ARHGEF11: variants seen among roughly 807,000 people sequenced by gnomAD.
The protein encoded by ARHGEF11 is Rho guanine nucleotide exchange factor 11.
A neutral mutation model predicts 193.7 loss-of-function variants in ARHGEF11; 55 were observed. The ratio of observed to expected loss-of-function variants is 0.28; its 90% CI spans 0.23 to 0.36. The LOEUF is 0.36. Ranked by LOEUF, ARHGEF11 falls within the 10% of genes least tolerant of loss-of-function variation. The pLI is 1.00. For missense variants in ARHGEF11, 1,723 were observed against 2,005.6 expected (o/e 0.86, Z 2.69); for synonymous variants, 693 against 768.0 (o/e 0.90, Z 1.62).
intron 1 of ARHGEF11, among the ~76,000 whole-genome samples, chr1:156,990,848 T>A (rs941987739): frequency 6.6e-6 from 1 of 152,210 alleles, no homozygotes; most frequent in Non-Finnish European, 1.5e-5. Flanking sequence ...GTACTTCCCC[T>A]ATGCCAGACC....
At chr1:156,942,077 T>A in intron 33 of ARHGEF11, 88 bp from the exon 34 acceptor site, 1 of 1,596,762 alleles carries the variant, frequency 6.3e-7, no homozygotes, top group Non-Finnish European at 8.5e-7. Context: ...GAACAGGGCT[T>A]CCAGGCCCTA....
chr1:156,936,215 T>C, intron 40 of ARHGEF11, 157 bp from the exon 41 acceptor site: 3 of 826,610 alleles, frequency 3.6e-6, no homozygotes, highest in Non-Finnish European at 6.5e-6. Context: ...AAGGGCTGTC[T>C]ACTGAACTCC....
At chr1:156,978,431 G>A in intron 5 of ARHGEF11, 49 bp from the exon 6 acceptor site, 1 of 1,531,980 alleles carries the variant, frequency 6.5e-7, no homozygotes, top group Non-Finnish European at 8.8e-7. Flanking sequence ...GTTCTGGAGA[G>A]ACAGTCCAGC....
chr1:157,013,803 C>G (rs186700535), intron 1 of ARHGEF11, among the ~76,000 whole-genome samples: 1 of 152,330 alleles, frequency 6.6e-6, no homozygotes, highest in East Asian at 1.9e-4. Context: ...GGTGACATCA[C>G]CAGACCCTGG....
Position 156,948,239 on chromosome 1 carries a change from A to C in ARHGEF11, c.2106-11T>G, listed in dbSNP as rs369582159. The C allele has an allele frequency of 5.0e-6, 8 of 1,593,394 alleles. No individual in the cohort carries two copies. Among genetic ancestry groups the C allele is most frequent in the Non-Finnish European group, 6.9e-6 (8 of 1,166,466 alleles). ...GGGTTCTCAAGAGACCTGTGGAGGGAATGTCAACTCTCAGCAACCCTCTAT... is the reference window on the plus strand; with the variant it reads ...GGGTTCTCAAGAGACCTGTGGAGGGCATGTCAACTCTCAGCAACCCTCTAT... On this transcript the variant is annotated splice_polypyrimidine_tract_variant and intron_variant, in intron 23 of 40. Transcript: ENST00000368194. The surrounding 1 kb of genome is among the most constrained non-coding windows in gnomAD (Gnocchi z 4.2).
At chr1:156,973,569 T>C (rs2102334290) in intron 7 of ARHGEF11, among the ~76,000 whole-genome samples, 1 of 152,314 alleles carries the variant, frequency 6.6e-6, no homozygotes, top group South Asian at 2.1e-4. Context: ...TTCAGCCCTG[T>C]TATCTCCATA....
chr1:157,035,924 T>C (rs1671923029), intron 1 of ARHGEF11, among the ~76,000 whole-genome samples: 1 of 88,384 alleles, frequency 1.1e-5, no homozygotes, highest in Admixed American at 1.3e-4. Flanking sequence ...TATATAGGAA[T>C]ATATATATAT....
rs78328080 is a variant in ARHGEF11, at chr1:157,042,666, T to C, written c.32+1633A>G. On this transcript the variant is annotated intron_variant, in intron 1 of 40. Transcript: ENST00000368194. ...AAACTGTAATGTGCTGGGCAAATCC[T>C]GAGATTTTTATCTATGAGGATATCC... 2.6e-4 allele frequency among the ~76,000 whole-genome samples: 40 copies of C among 152,296 alleles called. No homozygotes were observed. In the East Asian group the frequency reaches 6.4e-3, roughly 24 times the overall value.
At chr1:156,955,936 A>G (rs1179460558) in intron 19 of ARHGEF11, 137 bp from the exon 20 acceptor site, 2 of 733,878 alleles carry the variant, frequency 2.7e-6, no homozygotes, top group Non-Finnish European at 4.9e-6. Flanking sequence ...TACCCTAACA[A>G]GCATGTTCGC....
At chr1:156,969,961 G>T in intron 9 of ARHGEF11, 37 bp downstream of exon 9, 2 of 1,609,146 alleles carry the variant, frequency 1.2e-6, no homozygotes, top group Non-Finnish European at 1.7e-6. Flanking sequence ...CTGGACTAGA[G>T]ATATGCCAGA....
chr1:156,942,879 C>T (rs1657332757), intron 32 of ARHGEF11, 99 bp from the exon 33 acceptor site: 1 of 968,824 alleles, frequency 1.0e-6, no homozygotes, highest in African/African-American at 1.6e-5. Context: ...AGCCCTGACC[C>T]TCAACGCAGA....
In ARHGEF11 at chr1:156,946,059, A is replaced by G. The variant is rs1362930875; in HGVS notation, c.2798T>C (p.Ile933Thr). The G allele has an allele frequency of 6.2e-7, 1 of 1,613,392 alleles. No homozygotes were observed. The highest frequency in any genetic ancestry group is 1.7e-5 in the Admixed American group (1 of 60,016). Residue 933 changes from isoleucine (I) to threonine (T), a missense_variant, in exon 29 of 41, where the codon ATC (isoleucine) becomes ACC (threonine). Ile to Thr is a moderately conservative substitution (Grantham distance 89, BLOSUM62 -1). Around this residue, in one of 5 missense-constraint regions of ARHGEF11, gnomAD observed 491 missense variants for 654.5 expected, o/e 0.75. Transcript: ENST00000368194. ...CCAGGTGCTACCCTCTGTGTGCTTGATGATGCTCTCCAGCAGCAGCGGGTA... is the reference window on the plus strand; with the variant it reads ...CCAGGTGCTACCCTCTGTGTGCTTGGTGATGCTCTCCAGCAGCAGCGGGTA... ...TKYPLLLESI[I>T]KHTEGGTSEH...
intron 1 of ARHGEF11, among the ~76,000 whole-genome samples, chr1:156,994,656 AG>A: frequency 6.6e-6 from 1 of 152,292 alleles, no homozygotes; most frequent in Non-Finnish European, 1.5e-5. Context: ...TGTGTTGAGA[AG>A]GTTGGTTAGC....
Position 156,960,424 on chromosome 1 carries a change from C to T in ARHGEF11, c.1276G>A (p.Glu426Lys). 1 of 1,614,140 alleles carries T rather than the reference C, an allele frequency of 6.2e-7. No homozygotes were observed. Among genetic ancestry groups the T allele is most frequent in the Non-Finnish European group, 8.5e-7 (1 of 1,180,014 alleles). ...GACCAATGAGCCAACTTACCAATTT[C>T]AGCCTGTAGCATCTCAGGGATCTTC... The part of the protein sequence containing the change: ...RVKIPEMLQA[E>K]IDSRLRNSED... The change falls in exon 15 of 41, where the codon GAA (glutamate) becomes AAA (lysine). Residue 426 changes from glutamate (E) to lysine (K), a missense_variant. This residue lies in a region of ARHGEF11 where 646 missense variants were observed against 710.7 expected (regional missense o/e 0.91). Transcript: ENST00000368194.
intron 2 of ARHGEF11, 117 bp from the exon 3 acceptor site, chr1:156,984,554 T>C: frequency 1.5e-6 from 1 of 669,590 alleles, no homozygotes; most frequent in African/African-American, 1.8e-5. Flanking sequence ...CTTTTCACAC[T>C]AAACAAATTC....
At chr1:156,968,160 G>C in intron 10 of ARHGEF11, 36 bp from the exon 11 acceptor site, 3 of 1,585,322 alleles carry the variant, frequency 1.9e-6, no homozygotes, top group Non-Finnish European at 2.6e-6. Context: ...AAGGAACCTT[G>C]TCCGGAAGAC....
intron 32 of ARHGEF11, among the ~76,000 whole-genome samples, 155 bp downstream of exon 32, chr1:156,943,780 C>A (rs1184220452): frequency 6.6e-6 from 1 of 152,210 alleles, no homozygotes; most frequent in Non-Finnish European, 1.5e-5. Flanking sequence ...CCACTTTGGG[C>A]CAGTCCTACC....
At chr1:156,947,141 C>CG (rs1022417977) in intron 26 of ARHGEF11, 126 bp from the exon 27 acceptor site, 2 of 1,459,872 alleles carry the variant, frequency 1.4e-6, no homozygotes, top group African/African-American at 2.8e-5. Flanking sequence ...ATTGTACTTT[C>CG]GGGGTGAACT....
chr1:157,011,047 G>A (rs1296715433), intron 1 of ARHGEF11, among the ~76,000 whole-genome samples: 1 of 152,120 alleles, frequency 6.6e-6, no homozygotes, highest in Non-Finnish European at 1.5e-5. Flanking sequence ...AAACAATCCT[G>A]AGAAAGAATC....
Sources: allele counts gnomAD v4.1 joint callset (sites outside exome capture counted in the v4.1 genomes callset), GRCh38; gene constraint gnomAD v4.1.1; regional missense constraint gnomAD v4.1.1; non-coding constraint Gnocchi (gnomAD v3.1); transcripts MANE v1.5; gene names NCBI Gene and HGNC (gene_info 2026-07-23, HGNC 2026-07-21).